AGXT2: variants seen among roughly 807,000 people sequenced by gnomAD.
AGXT2 encodes alanine--glyoxylate aminotransferase 2.
AGXT2 carries 61 observed loss-of-function variants against 62.5 expected under a neutral mutation model. The observed-to-expected ratio is 0.98, with a 90% confidence interval of 0.79 to 1.21. The LOEUF (loss-of-function observed/expected upper bound fraction) is 1.21. Among genes scored for constraint, AGXT2 ranks in the 50% most tolerant of loss-of-function variants. AGXT2 has a pLI of 0.00. For missense variants in AGXT2, 666 were observed against 641.5 expected (o/e 1.04, Z -0.41); for synonymous variants, 243 against 218.7 (o/e 1.11, Z -0.98).
chr5:35,020,932 GACAA>G (rs1215318819), intron 9 of AGXT2, among the ~76,000 whole-genome samples: 1 of 152,202 alleles, frequency 6.6e-6, no homozygotes, highest in African/African-American at 2.4e-5. Context: ...ACCAATAACA[GACAA>G]ACAGAGAGCC....
At chr5:35,000,628 G>A (rs912915909) in intron 13 of AGXT2, among the ~76,000 whole-genome samples, 15 of 152,138 alleles carry the variant, frequency 9.9e-5, no homozygotes, top group African/African-American at 2.7e-4. Flanking sequence ...GTGATCTGCC[G>A]CTTCGGCCTC....
chr5:35,000,650 G>A (rs770561546), intron 13 of AGXT2, among the ~76,000 whole-genome samples: 17 of 152,202 alleles, frequency 1.1e-4, no homozygotes, highest in Non-Finnish European at 2.2e-4. Context: ...CAAAGTGCTG[G>A]GATCACAGGC....
intron 9 of AGXT2, among the ~76,000 whole-genome samples, chr5:35,023,548 T>A (rs1012167527): frequency 6.6e-6 from 1 of 152,226 alleles, no homozygotes; most frequent in African/African-American, 2.4e-5. Context: ...CTTTAATTAG[T>A]CTGACTGTGA....
chr5:35,001,126 T>A (rs1213435876), intron 13 of AGXT2, among the ~76,000 whole-genome samples: 2 of 152,206 alleles, frequency 1.3e-5, no homozygotes, highest in African/African-American at 4.8e-5. Flanking sequence ...CATTTTTGAC[T>A]TAAAATATTC....
chr5:35,009,473 G>A (rs2112185120), intron 12 of AGXT2, among the ~76,000 whole-genome samples: 1 of 152,210 alleles, frequency 6.6e-6, no homozygotes, highest in Admixed American at 6.5e-5. Context: ...GTGTGTGCCT[G>A]TAATCCCAGC....
At chr5:35,016,504 G>A (rs928444578) in intron 9 of AGXT2, among the ~76,000 whole-genome samples, 2 of 152,144 alleles carry the variant, frequency 1.3e-5, no homozygotes, top group African/African-American at 4.8e-5. Flanking sequence ...AAGGATGAAA[G>A]TTTATCCTTG....
At chr5:35,026,985 A>G in intron 7 of AGXT2, 1 of 985,436 alleles carries the variant, frequency 1.0e-6, no homozygotes, top group South Asian at 4.7e-5. Flanking sequence ...GTTAGTAAAT[A>G]TGCTTGTAGA....
At chr5:35,002,539 G>A in intron 13 of AGXT2, among the ~76,000 whole-genome samples, 1 of 152,198 alleles carries the variant, frequency 6.6e-6, no homozygotes, top group East Asian at 1.9e-4. Flanking sequence ...TTGTGAAGTG[G>A]AGCCTTTGGG....
At chr5:35,025,496 G>A (rs1397728404) in intron 9 of AGXT2, among the ~76,000 whole-genome samples, 2 of 152,170 alleles carry the variant, frequency 1.3e-5, no homozygotes, top group East Asian at 3.8e-4. Context: ...TTGAGTCACG[G>A]TCTAATAACA....
At chr5:35,045,641 C>G (rs1360930125) in intron 1 of AGXT2, among the ~76,000 whole-genome samples, 1 of 151,964 alleles carries the variant, frequency 6.6e-6, no homozygotes, top group African/African-American at 2.4e-5. Context: ...CAAGCACAAA[C>G]AGGCACAGAC....
rs755746387 is a variant in AGXT2 at position 35,003,871 on chromosome 5, T to C, written c.1339-10A>G. On this transcript the variant is annotated splice_polypyrimidine_tract_variant and intron_variant, in intron 12 of 13. Transcript: ENST00000231420. ...GAGGCCGACAGCTTATCTGTAAATA[T>C]ATTTTTAAAATTCTTTCTATTTGGT... 5 of 1,612,050 alleles carry C rather than the reference T, an allele frequency of 3.1e-6. No individual in the cohort carries two copies. The highest frequency in any genetic ancestry group is 3.4e-6 in the Non-Finnish European group (4 of 1,178,312).
rs776630566 is a variant in AGXT2 at position 34,998,857 on chromosome 5, A to C, written c.1438-31T>G. The C allele has an allele frequency of 4.8e-6, 7 of 1,446,754 alleles. No homozygotes were observed. In the South Asian group the frequency reaches 5.7e-5, roughly 12 times the overall value. 89.6% of individuals were successfully genotyped at this position (1,446,754 alleles called of 1,614,324 possible). On this transcript the variant is annotated intron_variant, in intron 13 of 13. Transcript: ENST00000231420. The stretch of plus-strand genomic sequence containing the variant: ...GAGACACCAAAAAATAAGAAAACAA[A>C]TCATCAGAGAATCAAATATGACTTT...
intron 12 of AGXT2, among the ~76,000 whole-genome samples, chr5:35,009,187 G>C (rs1321180422): frequency 6.6e-6 from 1 of 151,980 alleles, no homozygotes; most frequent in Non-Finnish European, 1.5e-5. Flanking sequence ...GGTCTCAGTG[G>C]GCAACATTCC....
intron 13 of AGXT2, among the ~76,000 whole-genome samples, chr5:35,000,687 G>C (rs1766197800): frequency 6.6e-6 from 1 of 152,136 alleles, no homozygotes. Flanking sequence ...GGCCTCTCCT[G>C]CCCGTTAAAA....
chr5:35,030,278 C>T (rs914259162), intron 7 of AGXT2, among the ~76,000 whole-genome samples: 5 of 152,090 alleles, frequency 3.3e-5, no homozygotes, highest in African/African-American at 1.2e-4. Context: ...GAGGCCAAGG[C>T]GAGCGGATCA....
intron 7 of AGXT2, among the ~76,000 whole-genome samples, chr5:35,028,558 TGAGA>T (rs541190371): frequency 3.8e-3 from 40 of 10,574 alleles, no homozygotes; most frequent in African/African-American, 8.2e-3. Flanking sequence ...GCAGGAAAGG[TGAGA>T]GAGAGAGAGA....
chr5:35,021,255 G>A (rs997999753), intron 9 of AGXT2, among the ~76,000 whole-genome samples: 6 of 152,148 alleles, frequency 3.9e-5, no homozygotes, highest in East Asian at 3.9e-4. Flanking sequence ...AGAAGAGCCC[G>A]CTTCGCCAAG....
chr5:35,023,701 A>G lies in AGXT2; in HGVS notation c.963+2062T>C, dbSNP rs140502130. Among the ~76,000 whole-genome samples the G allele has an allele frequency of 3.2e-3, 494 of 152,192 alleles. 4 individuals are homozygous for G. The highest frequency in any genetic ancestry group is 0.012 in the African/African-American group (484 of 41,518). On this transcript the variant is annotated intron_variant, in intron 9 of 13. Coordinates refer to ENST00000231420, the MANE Select transcript of AGXT2 (RefSeq NM_031900.4). ...TGGACTTCGATCAGTTTGTGGGCAG[A>G]TTGGAGAAGGGAGGATGGTCTCAGC...
chr5:35,013,405 T>C (rs973035587), intron 10 of AGXT2, among the ~76,000 whole-genome samples: 1 of 152,210 alleles, frequency 6.6e-6, no homozygotes, highest in African/African-American at 2.4e-5. Context: ...TCTCTCCCTC[T>C]TCCATATACC....
Sources: gnomAD v4.1 joint callset for allele counts (sites outside exome capture counted in the v4.1 genomes callset) on GRCh38, gnomAD v4.1.1 for gene constraint, MANE v1.5 for transcripts, NCBI Gene and HGNC (gene_info 2026-07-23, HGNC 2026-07-21) for gene names.